COPG2: variants seen among roughly 807,000 people sequenced by gnomAD.
COPG2 encodes the protein coat protein complex I subunit gamma 2.
COPG2 carries 37 observed loss-of-function variants against 46.3 expected under a neutral mutation model. That is an observed-to-expected ratio of 0.80 (90% CI 0.61 to 1.05). The LOEUF (loss-of-function observed/expected upper bound fraction) is 1.05. Among genes scored for constraint, COPG2 ranks in the 50% least tolerant of loss-of-function variants. The pLI is 0.00. For missense variants in COPG2, 427 were observed against 387.8 expected (o/e 1.10, Z -0.85); for synonymous variants, 159 against 129.7 (o/e 1.23, Z -1.53).
chr7:130,587,895 C>T (rs1409170045), intron 9 of COPG2, among the ~76,000 whole-genome samples: 1 of 152,148 alleles, frequency 6.6e-6, no homozygotes, highest in Admixed American at 6.5e-5. Context: ...ACCTACTCAT[C>T]TGACAAAGGG....
At chr7:130,659,795 C>A (rs1394356162) in intron 4 of COPG2, among the ~76,000 whole-genome samples, 2 of 152,052 alleles carry the variant, frequency 1.3e-5, no homozygotes, top group Non-Finnish European at 2.9e-5. Context: ...GCCCACAGTC[C>A]CAGCTACTCC....
chr7:130,525,908 C>CA (rs1799769825), intron 20 of COPG2, among the ~76,000 whole-genome samples: 15 of 149,360 alleles, frequency 1.0e-4, no homozygotes, highest in Non-Finnish European at 2.2e-4. Flanking sequence ...TTAAATTCTA[C>CA]ACACGGGTGT....
chr7:130,555,000 A>G, intron 13 of COPG2, 37 bp downstream of exon 13: 1 of 398,456 alleles, frequency 2.5e-6, no homozygotes, highest in Non-Finnish European at 4.4e-6. Flanking sequence ...AGAATTTAAG[A>G]CAGCAACTTC....
intron 5 of COPG2, among the ~76,000 whole-genome samples, chr7:130,641,190 A>AT (rs1554457211): frequency 2.0e-5 from 3 of 151,544 alleles, no homozygotes; most frequent in African/African-American, 4.8e-5. Context: ...AAAAAAAAAA[A>AT]AAAAAGAGAA....
In COPG2 at chr7:130,616,992, C is replaced by T. The variant is rs1156960733; in HGVS notation, c.397G>A (p.Asp133Asn). 10 of 1,603,222 alleles carry T rather than the reference C, an allele frequency of 6.2e-6. No homozygotes were observed. In the African/African-American group the frequency reaches 1.1e-4, roughly 17 times the overall value. ...PAIRALCRIT[D>N]GTMLQAIERY... ...ACTCAGTGAAACAGATAACTTACAT[C>T]GGTGATCCTGCAGAGAGCTCTGATG... Residue 133 changes from aspartate to asparagine, a missense_variant and splice_region_variant, in exon 6 of 24, where the codon GAT becomes AAT. Transcript: ENST00000425248.
At chr7:130,539,127 A>G (rs1799911861) in intron 20 of COPG2, among the ~76,000 whole-genome samples, 1 of 152,176 alleles carries the variant, frequency 6.6e-6, no homozygotes, top group Admixed American at 6.5e-5. Flanking sequence ...ACAAGGGTAT[A>G]GTAAAGGTAG....
chr7:130,549,528 G>A (rs1454813737), intron 17 of COPG2, among the ~76,000 whole-genome samples, 152 bp from the exon 18 acceptor site: 1 of 152,184 alleles, frequency 6.6e-6, no homozygotes, highest in African/African-American at 2.4e-5. Context: ...ACTTCTGGTG[G>A]GGGGACACTC....
intron 9 of COPG2, chr7:130,564,615 A>C: frequency 2.8e-6 from 1 of 358,526 alleles, no homozygotes; most frequent in East Asian, 4.1e-5. Flanking sequence ...ACAATCCTGA[A>C]CATCTATTTA....
intron 20 of COPG2, chr7:130,511,705 A>G (rs782422704): frequency 1.9e-6 from 1 of 514,508 alleles, no homozygotes; most frequent in Non-Finnish European, 3.9e-6. Context: ...TACATAAGGA[A>G]GGGCCTACTG....
chr7:130,625,076 T>C (rs1054035311), intron 5 of COPG2, among the ~76,000 whole-genome samples: 2 of 152,218 alleles, frequency 1.3e-5, no homozygotes, highest in South Asian at 2.1e-4. Flanking sequence ...CCAACATCTA[T>C]TGTTTTTTGA....
rs560439892 is a variant in COPG2, at chr7:130,638,543, C to A, written c.323+14326G>T. Among the ~76,000 whole-genome samples, 17 of 152,284 alleles carry A rather than the reference C, an allele frequency of 1.1e-4. No individual in the cohort carries two copies. In the South Asian group the frequency reaches 1.2e-3, roughly 11 times the overall value. ...TATACTGTGAGCGGAAAACCACCTACTCAAGCCTCAGTAATGGCAGACACC... is the reference window on the plus strand; with the variant it reads ...TATACTGTGAGCGGAAAACCACCTAATCAAGCCTCAGTAATGGCAGACACC... On this transcript the variant is annotated intron_variant, in intron 5 of 23. Coordinates refer to ENST00000425248, the MANE Select transcript of COPG2 (RefSeq NM_012133.6).
At chr7:130,636,942 T>C (rs1795349646) in intron 5 of COPG2, among the ~76,000 whole-genome samples, 1 of 152,206 alleles carries the variant, frequency 6.6e-6, no homozygotes, top group Admixed American at 6.5e-5. Context: ...TCTCAGGATT[T>C]GCTTCTCTGT....
chr7:130,565,362 G>A (rs1258999053), intron 9 of COPG2, among the ~76,000 whole-genome samples: 2 of 152,196 alleles, frequency 1.3e-5, no homozygotes, highest in Non-Finnish European at 2.9e-5. Flanking sequence ...AGACTTCAGT[G>A]TCTATACAAG....
At chr7:130,536,002 G>C (rs1329573902) in intron 20 of COPG2, among the ~76,000 whole-genome samples, 1 of 152,002 alleles carries the variant, frequency 6.6e-6, no homozygotes, top group Non-Finnish European at 1.5e-5. Context: ...AAAGAGGAGG[G>C]ATGATGAAGG....
At chr7:130,604,958 T>C (rs1386514833) in intron 9 of COPG2, among the ~76,000 whole-genome samples, 2 of 152,214 alleles carry the variant, frequency 1.3e-5, no homozygotes, top group Non-Finnish European at 2.9e-5. Flanking sequence ...AGGTATATTA[T>C]GCTATGTTTT....
chr7:130,628,699 A>G (rs1795165883), intron 5 of COPG2, among the ~76,000 whole-genome samples: 1 of 152,042 alleles, frequency 6.6e-6, no homozygotes, highest in South Asian at 2.1e-4. Flanking sequence ...ATCCTTTAAC[A>G]TTTCTTGCAG....
At chr7:130,593,717 T>C (rs1019718686) in intron 9 of COPG2, among the ~76,000 whole-genome samples, 2 of 151,524 alleles carry the variant, frequency 1.3e-5, no homozygotes, top group African/African-American at 2.4e-5. Flanking sequence ...GGTTTTCATA[T>C]GGAGAAGAAA....
chr7:130,611,337 G>C (rs1794845288), intron 8 of COPG2, among the ~76,000 whole-genome samples: 2 of 152,152 alleles, frequency 1.3e-5, no homozygotes, highest in African/African-American at 4.8e-5. Context: ...GCATAAAGGA[G>C]GTGACATACA....
At chr7:130,598,979 T>C (rs1489835581) in intron 9 of COPG2, among the ~76,000 whole-genome samples, 16 of 152,290 alleles carry the variant, frequency 1.1e-4, no homozygotes, top group Non-Finnish European at 1.6e-4. Flanking sequence ...GTCAAAATGA[T>C]GGTCATGCAA....
Sources: allele counts gnomAD v4.1 joint callset (sites outside exome capture counted in the v4.1 genomes callset), GRCh38; gene constraint gnomAD v4.1.1; transcripts MANE v1.5; gene names NCBI Gene and HGNC (gene_info 2026-07-23, HGNC 2026-07-21).